HDAC4: variants seen among roughly 807,000 people sequenced by gnomAD.
HDAC4 encodes histone deacetylase 4.
In HDAC4, 16 loss-of-function variants were observed where a neutral mutation model predicts 135.1. The observed-to-expected ratio is 0.12, with a 90% CI of 0.08 to 0.18. The LOEUF (loss-of-function observed/expected upper bound fraction) is 0.18. Among genes scored for constraint, HDAC4 ranks in the 10% least tolerant of loss-of-function variants. The probability of loss-of-function intolerance (pLI) is 1.00; values close to 1 mark genes in which losing one functional copy is unlikely to be tolerated. For missense variants in HDAC4, 1,143 were observed against 1,511.8 expected (o/e 0.76, Z 4.05); for synonymous variants, 685 against 653.4 (o/e 1.05, Z -0.74).
chr2:239,284,598 G>A (rs1347853600), intron 2 of HDAC4, among the ~76,000 whole-genome samples: 2 of 152,208 alleles, frequency 1.3e-5, no homozygotes, highest in Non-Finnish European at 2.9e-5. Context: ...AGAGGCAGGT[G>A]AAAGGCAAGA....
intron 22 of HDAC4, among the ~76,000 whole-genome samples, chr2:239,077,725 C>T (rs554755460): frequency 9.8e-5 from 15 of 152,290 alleles, no homozygotes; most frequent in Middle Eastern, 3.4e-3. Flanking sequence ...GTGTGTGCAG[C>T]GGGTGCCACT....
chr2:239,103,376 G>C (rs1224583093), intron 15 of HDAC4, among the ~76,000 whole-genome samples: 3 of 152,202 alleles, frequency 2.0e-5, no homozygotes, highest in Non-Finnish European at 4.4e-5. Context: ...GTCCTGGATG[G>C]CTAGCTGGCA....
chr2:239,354,939 T>G (rs1693398157), intron 1 of HDAC4, among the ~76,000 whole-genome samples: 1 of 152,134 alleles, frequency 6.6e-6, no homozygotes, highest in African/African-American at 2.4e-5. Flanking sequence ...ATCACAAATA[T>G]GCCCCCCTCA....
intron 1 of HDAC4, among the ~76,000 whole-genome samples, chr2:239,386,984 G>C (rs1695855312): frequency 6.6e-6 from 1 of 152,252 alleles, no homozygotes; most frequent in Admixed American, 6.5e-5. Flanking sequence ...CGCCAGAGGA[G>C]CCAGACTGCA....
At chr2:239,159,374 ACACCCC>A (rs1392051434) in intron 6 of HDAC4, among the ~76,000 whole-genome samples, 1 of 115,430 alleles carries the variant, frequency 8.7e-6, no homozygotes, top group Non-Finnish European at 1.8e-5. Flanking sequence ...CCTCACACCC[ACACCCC>A]CCTCACAACC....
rs1280812102 is a variant in HDAC4, at chr2:239,349,744, G to C, written c.22+2934C>G. ...ACCTCCGGGCGGAAGGGCAGACACG[G>C]CAGGGAAAGATGACAGCGGACAGGG... On this transcript the variant is annotated intron_variant, in intron 2 of 26. Transcript: ENST00000543185. The surrounding 1 kb of genome is among the most constrained non-coding windows in gnomAD (Gnocchi z 5.7). 6.6e-6 allele frequency among the ~76,000 whole-genome samples: 1 copy of C among 152,238 alleles called. No individual in the cohort carries two copies. The highest frequency in any genetic ancestry group is 1.5e-5 in the Non-Finnish European group (1 of 68,038).
In HDAC4 at chr2:239,060,070, G is replaced by A. The variant is rs116053854; in HGVS notation, c.3004-5237C>T. Among the ~76,000 whole-genome samples the A allele has an allele frequency of 8.5e-4, 129 of 152,314 alleles. 2 individuals are homozygous for A. Among genetic ancestry groups the A allele is most frequent in the African/African-American group, 1.7e-3 (70 of 41,576 alleles). Reference sequence around the variant, plus strand: ...CCTGGCTCTGTCCCAGTCCTCCGCCGGTGGAAACAGGGCACCCTTCAGTGC... The same window carrying A: ...CCTGGCTCTGTCCCAGTCCTCCGCCAGTGGAAACAGGGCACCCTTCAGTGC... On this transcript the variant is annotated intron_variant, in intron 24 of 26. Transcript: ENST00000543185.
At chr2:239,242,076 GA>G (rs1468370833) in intron 2 of HDAC4, among the ~76,000 whole-genome samples, 2 of 133,896 alleles carry the variant, frequency 1.5e-5, no homozygotes, top group East Asian at 4.1e-4. Context: ...AAGAAAGAAA[GA>G]GAAGGAAGGA....
chr2:239,103,036 C>T (rs193240316), intron 15 of HDAC4, 140 bp from the exon 16 acceptor site: 2 of 987,520 alleles, frequency 2.0e-6, no homozygotes, highest in African/African-American at 1.6e-5. Flanking sequence ...TTGGTTACTG[C>T]AAAAGAAGAA....
At chr2:239,140,175 C>T (rs916737268) in intron 8 of HDAC4, among the ~76,000 whole-genome samples, 2 of 152,210 alleles carry the variant, frequency 1.3e-5, no homozygotes, top group Non-Finnish European at 2.9e-5. Context: ...CCTGTGCTCA[C>T]TATAAAAAGC....
chr2:239,270,027 C>A (rs555389809), intron 2 of HDAC4, among the ~76,000 whole-genome samples: 2 of 152,290 alleles, frequency 1.3e-5, no homozygotes, highest in Admixed American at 1.3e-4. Flanking sequence ...ACAGGCAACT[C>A]TGAGAGAGAG....
intron 11 of HDAC4, among the ~76,000 whole-genome samples, chr2:239,130,145 T>C (rs745517962): frequency 1.3e-5 from 2 of 152,330 alleles, no homozygotes; most frequent in East Asian, 1.9e-4. Flanking sequence ...AACTCACAGT[T>C]TGCAATCCCG....
chr2:239,257,058 T>C (rs1421683683), intron 2 of HDAC4, among the ~76,000 whole-genome samples: 2 of 152,146 alleles, frequency 1.3e-5, no homozygotes, highest in East Asian at 3.9e-4. Context: ...TAACTCTGGG[T>C]AAATAACAGA....
chr2:239,074,228 T>C (rs1053304170), intron 22 of HDAC4, among the ~76,000 whole-genome samples: 53 of 152,252 alleles, frequency 3.5e-4, no homozygotes, highest in African/African-American at 1.2e-3. Flanking sequence ...TTTCCAGCCA[T>C]GCTTTTGGTG....
chr2:239,065,841 C>T (rs911675383), intron 24 of HDAC4, among the ~76,000 whole-genome samples: 14 of 152,204 alleles, frequency 9.2e-5, no homozygotes, highest in African/African-American at 2.4e-4. Context: ...CAGAGCTCTG[C>T]GTGGGGAAGC....
chr2:239,154,414 G>A (rs2042297044), intron 7 of HDAC4, among the ~76,000 whole-genome samples: 4 of 152,126 alleles, frequency 2.6e-5, no homozygotes, highest in South Asian at 4.1e-4. Flanking sequence ...CCAGGGGAAC[G>A]GAAGGCATTT....
At chr2:239,208,331 A>AAAC (rs1166316323) in intron 3 of HDAC4, among the ~76,000 whole-genome samples, 1 of 102,376 alleles carries the variant, frequency 9.8e-6, no homozygotes, top group African/African-American at 2.7e-5. Context: ...CGTCCCAAAA[A>AAAC]AAAAAAAAAA....
At chr2:239,063,853 C>G (rs1000108697) in intron 24 of HDAC4, among the ~76,000 whole-genome samples, 2 of 152,250 alleles carry the variant, frequency 1.3e-5, no homozygotes, top group African/African-American at 4.8e-5. Context: ...TCCCTGACCG[C>G]CAGCTCCCTG....
At chr2:239,235,549 C>T (rs759937006) in intron 3 of HDAC4, among the ~76,000 whole-genome samples, 13 of 152,226 alleles carry the variant, frequency 8.5e-5, no homozygotes, top group Non-Finnish European at 1.6e-4. Flanking sequence ...GCATGTGGAA[C>T]GGAACACTGG....
Sources: allele counts gnomAD v4.1 joint callset (sites outside exome capture counted in the v4.1 genomes callset), GRCh38; gene constraint gnomAD v4.1.1; non-coding constraint Gnocchi (gnomAD v3.1); transcripts MANE v1.5; gene names NCBI Gene and HGNC (gene_info 2026-07-23, HGNC 2026-07-21).